The following WWC1 variants were observed in gnomAD, a reference collection of about 807,000 sequenced individuals.
WWC1 encodes the protein WW and C2 domain containing 1.
A neutral mutation model predicts 138.4 loss-of-function variants in WWC1; 55 were observed. The ratio of observed to expected loss-of-function variants is 0.40; its 90% CI spans 0.32 to 0.50. The LOEUF (loss-of-function observed/expected upper bound fraction) is 0.50, where lower values mean the gene tolerates loss of function less well. Ranked by LOEUF, WWC1 falls within the 20% of genes least tolerant of loss-of-function variation. The probability of loss-of-function intolerance (pLI) is 0.72; values close to 1 mark genes in which losing one functional copy is unlikely to be tolerated. For missense variants in WWC1, 1,226 were observed against 1,420.4 expected, an observed-to-expected ratio of 0.86 and a Z score of 2.20; for synonymous variants, 524 against 564.9, an observed-to-expected ratio of 0.93 and a Z score of 1.03.
At position 168,410,010 on chromosome 5, in the gene WWC1, G is replaced by T. The variant is rs755603699; in HGVS notation, c.941+15G>T. On this transcript the variant is annotated intron_variant, in intron 8 of 22. Coordinates refer to ENST00000265293, the MANE Select transcript of WWC1 (RefSeq NM_015238.3). ...GCTAAGAGAAGGTAATTGGGCTGGGGCTAGGGGCGGGATGGTTCCAAAAAT... is the reference window on the plus strand; with the variant it reads ...GCTAAGAGAAGGTAATTGGGCTGGGTCTAGGGGCGGGATGGTTCCAAAAAT... The T allele has an allele frequency of 6.2e-7, 1 of 1,611,548 alleles. No homozygotes were observed. The highest frequency in any genetic ancestry group is 1.7e-5 in the Admixed American group (1 of 59,744).
chr5:168,469,946 C>T lies in WWC1; in HGVS notation c.*929C>T, dbSNP rs1043982965. 6.6e-6 allele frequency: 1 copy of T among 152,204 alleles called. No individual in the cohort carries two copies. Among genetic ancestry groups the T allele is most frequent in the African/African-American group, 2.4e-5 (1 of 41,440 alleles). 9.4% of individuals were successfully genotyped at this position (152,204 alleles called of 1,614,324 possible). On this transcript the variant is annotated 3_prime_UTR_variant, in exon 23 of 23. Coordinates refer to ENST00000265293, the MANE Select transcript of WWC1 (RefSeq NM_015238.3). Reference sequence around the variant, plus strand: ...GACTGCTCGGCTCATTGGGAATCCACATCCCCAAGTTAGACTGGGGATATG... The same window carrying T: ...GACTGCTCGGCTCATTGGGAATCCATATCCCCAAGTTAGACTGGGGATATG...
chr5:168,432,406 T>A (rs927942551), intron 15 of WWC1, among the ~76,000 whole-genome samples: 1 of 152,240 alleles, frequency 6.6e-6, no homozygotes, highest in South Asian at 2.1e-4. Context: ...AAGTACATTT[T>A]GTCCTAAGAG....
At chr5:168,412,706 G>A (rs1390650071) in intron 8 of WWC1, among the ~76,000 whole-genome samples, 5 of 151,778 alleles carry the variant, frequency 3.3e-5, no homozygotes, top group Admixed American at 1.3e-4. Flanking sequence ...AACCAACCAA[G>A]GATCAAAAGT....
rs796623514 is a variant in WWC1, at chr5:168,339,832, T to TTCTTTCTTTCTTTCTTTCTTTCTTTC, written c.120-31591_120-31590insCTTTCTTTCTTTCTTTCTTTCTTTCT. On this transcript the variant is annotated intron_variant, in intron 1 of 22. Transcript: ENST00000265293. ...TTTCTTTCTTTCTTTCTTTCTTTCT[T>TTCTTTCTTTCTTTCTTTCTTTCTTTC]TTTCTTTTCTTTCTTTCTTTCTCTC... Among the ~76,000 whole-genome samples, 64 of 48,344 alleles carry TTCTTTCTTTCTTTCTTTCTTTCTTTC rather than the reference T, an allele frequency of 1.3e-3. 1 individual carries two copies. The highest frequency in any genetic ancestry group is 2.3e-3 in the Admixed American group (10 of 4,336). The allele number at this position is 48,344 out of a possible 152,430, so 31.7% of individuals were successfully genotyped here.
rs1245816332 is a variant in WWC1, at chr5:168,455,442, G to A, written c.2745G>A (p.Gln915=). 4 of 1,612,362 alleles carry A rather than the reference G, an allele frequency of 2.5e-6. No individual in the cohort carries two copies. Among genetic ancestry groups the A allele is most frequent in the Admixed American group, 1.7e-5 (1 of 59,814 alleles). Residue 915 remains glutamine (Q), a synonymous_variant, in exon 19 of 23, where the codon CAG becomes CAA. Coordinates refer to ENST00000265293, the MANE Select transcript of WWC1 (RefSeq NM_015238.3). ...ACCGGAGAGTGGGCACCCCGTCCCA[G>A]GGGCCATTTCTTCGAGGGAGCACCA... is the stretch of plus-strand genomic sequence containing the variant. ...PKDRRVGTPS[Q]GPFLRGSTII... is the part of the protein sequence containing the mutation.
At chr5:168,450,850 C>A (rs895103587) in intron 17 of WWC1, among the ~76,000 whole-genome samples, 3 of 151,850 alleles carry the variant, frequency 2.0e-5, no homozygotes, top group African/African-American at 4.8e-5. Context: ...TTATCATAAT[C>A]AAAAACTTAT....
At chr5:168,378,879 C>T (rs1777421256) in intron 2 of WWC1, among the ~76,000 whole-genome samples, 1 of 152,158 alleles carries the variant, frequency 6.6e-6, no homozygotes, top group Admixed American at 6.5e-5. Context: ...TTTGTTGTTG[C>T]TAAGGCCCTT....
chr5:168,424,712 A>G (rs914200216), intron 11 of WWC1, among the ~76,000 whole-genome samples: 1 of 152,230 alleles, frequency 6.6e-6, no homozygotes, highest in Non-Finnish European at 1.5e-5. Context: ...GGGGGTTACC[A>G]GTGAGGCTGG....
In WWC1 at chr5:168,423,873, T is replaced by G. The variant is rs763363745; in HGVS notation, c.1615T>G (p.Ser539Ala). Reference sequence around the variant, plus strand: ...CATGACCTCCCTATCCCCACGTTCCTCTCTCTCCTCCCCCTCCCCACCCTG... The same window carrying G: ...CATGACCTCCCTATCCCCACGTTCCGCTCTCTCCTCCCCCTCCCCACCCTG... ...KSMTSLSPRS[S>A]LSSPSPPCSP... The change falls in exon 11 of 23, where the codon TCT becomes GCT. Residue 539 changes from serine to alanine, a missense_variant. Ser to Ala is a moderately conservative substitution (Grantham distance 99). Around this residue, in one of 3 missense-constraint regions of WWC1, gnomAD observed 1,016 missense variants for 1,153.9 expected, o/e 0.88. Coordinates refer to ENST00000265293, the MANE Select transcript of WWC1 (RefSeq NM_015238.3). 4 of 1,614,030 alleles carry G rather than the reference T, an allele frequency of 2.5e-6. No individual in the cohort carries two copies.
intron 1 of WWC1, among the ~76,000 whole-genome samples, chr5:168,345,613 A>G (rs1343044143): frequency 6.6e-6 from 1 of 152,226 alleles, no homozygotes; most frequent in East Asian, 1.9e-4. Context: ...TTGCTTTGTC[A>G]GATGCTAAGA....
intron 1 of WWC1, among the ~76,000 whole-genome samples, chr5:168,293,306 T>C (rs1369027183): frequency 1.3e-5 from 2 of 152,202 alleles, no homozygotes. Context: ...ATGCGGACTT[T>C]AAACCTTGTC....
intron 1 of WWC1, among the ~76,000 whole-genome samples, chr5:168,295,692 C>T (rs1769477510): frequency 6.6e-6 from 1 of 152,122 alleles, no homozygotes; most frequent in Non-Finnish European, 1.5e-5. Flanking sequence ...CACATTCCTC[C>T]CTCTGGGGCT....
At position 168,441,027 on chromosome 5, in the gene WWC1, G is replaced by A. The variant is rs566016285; in HGVS notation, c.2281-655G>A. Among the ~76,000 whole-genome samples, 16 of 152,184 alleles carry A rather than the reference G, an allele frequency of 1.1e-4. No homozygotes were observed. The South Asian group carries it at 1.9e-3, about 18-fold the overall frequency. On this transcript the variant is annotated intron_variant, in intron 15 of 22. Coordinates refer to ENST00000265293, the MANE Select transcript of WWC1 (RefSeq NM_015238.3). Reference sequence around the variant, plus strand: ...TTCGAGATTACAGTGAGGTATGACCGCATCACCGCACTCCAGCCTGGGCAA... The same window carrying A: ...TTCGAGATTACAGTGAGGTATGACCACATCACCGCACTCCAGCCTGGGCAA...
intron 11 of WWC1, among the ~76,000 whole-genome samples, chr5:168,426,335 T>G (rs1189638968): frequency 6.6e-6 from 1 of 151,916 alleles, no homozygotes; most frequent in East Asian, 1.9e-4. Flanking sequence ...GCCTCTGATA[T>G]CAATATTAAG....
chr5:168,409,995 G>A lies in WWC1; in HGVS notation c.941G>A (p.Arg314Lys), dbSNP rs755527862. Residue 314 changes from arginine (R) to lysine (K), a missense_variant and splice_region_variant, in exon 8 of 23, where the codon AGG becomes AAG. This residue lies in a region of WWC1 where 1,016 missense variants were observed against 1,153.9 expected (regional missense o/e 0.88). Transcript: ENST00000265293. ...CTTCGATATGAAGAGGCTAAGAGAA[G>A]GTAATTGGGCTGGGGCTAGGGGCGG... ...LRLRYEEAKR[R>K]IANLKIQLAK... 12 of 1,613,228 alleles carry A rather than the reference G, an allele frequency of 7.4e-6. No homozygotes were observed. The highest frequency in any genetic ancestry group is 1.0e-5 in the Non-Finnish European group (12 of 1,179,636).
At chr5:168,355,542 C>A (rs573509960) in intron 1 of WWC1, among the ~76,000 whole-genome samples, 1 of 150,454 alleles carries the variant, frequency 6.6e-6, no homozygotes, top group Non-Finnish European at 1.5e-5. Context: ...TGAGAGCCAG[C>A]CATGCAAAAA....
chr5:168,385,306 G>A lies in WWC1; in HGVS notation c.325G>A (p.Ala109Thr). The change falls in exon 3 of 23, where the codon GCA becomes ACA. Residue 109 changes from alanine to threonine, a missense_variant. Physicochemically the swap from Ala to Thr is moderately conservative, Grantham distance 58 (BLOSUM62 0). Coordinates refer to ENST00000265293, the MANE Select transcript of WWC1 (RefSeq NM_015238.3). Reference protein sequence around the residue: ...YLVVAQEALSAQKEIYQVKQQ... With the variant: ...YLVVAQEALSTQKEIYQVKQQ... ...GGTGGTGGCCCAGGAGGCTCTGAGT[G>A]CACAAAAGGAGATCTACCAGGTGAA... The A allele has an allele frequency of 6.2e-7, 1 of 1,614,098 alleles. No individual in the cohort carries two copies. Among genetic ancestry groups the A allele is most frequent in the Non-Finnish European group, 8.5e-7 (1 of 1,180,026 alleles).
At chr5:168,426,025 G>C (rs1005272496) in intron 11 of WWC1, among the ~76,000 whole-genome samples, 1 of 152,228 alleles carries the variant, frequency 6.6e-6, no homozygotes, top group African/African-American at 2.4e-5. Flanking sequence ...CAGCTCTGTG[G>C]CTCCAGGCAT....
At chr5:168,354,154 G>T (rs1460044209) in intron 1 of WWC1, among the ~76,000 whole-genome samples, 4 of 151,764 alleles carry the variant, frequency 2.6e-5, no homozygotes, top group Non-Finnish European at 5.9e-5. Context: ...GGATTCAAGC[G>T]ATTCTCCTGC....
Sources: allele counts gnomAD v4.1 joint callset (sites outside exome capture counted in the v4.1 genomes callset), GRCh38; gene constraint gnomAD v4.1.1; regional missense constraint gnomAD v4.1.1; transcripts MANE v1.5; gene names NCBI Gene and HGNC (gene_info 2026-07-23, HGNC 2026-07-21).